The following KCNIP4 variants were observed in gnomAD, a reference collection of about 807,000 sequenced individuals.
KCNIP4 encodes the protein Kv channel-interacting protein 4.
In KCNIP4, 12 loss-of-function variants were observed where a neutral mutation model predicts 34.0. That is an observed-to-expected ratio of 0.35 (90% CI 0.23 to 0.57). The LOEUF is 0.57. KCNIP4 is among the 20% of genes least tolerant of loss of function. The pLI is 0.83. For synonymous variants in KCNIP4, 124 were observed against 102.2 expected (o/e 1.21, Z -1.29); for missense variants, 238 against 311.7 (o/e 0.76, Z 1.78).
chr4:21,236,210 C>A (rs1220681211), intron 1 of KCNIP4, among the ~76,000 whole-genome samples: 1 of 152,070 alleles, frequency 6.6e-6, no homozygotes, highest in Non-Finnish European at 1.5e-5. Context: ...CATTTTATCC[C>A]TACTCCCTAA....
chr4:21,945,573 T>C (rs1730465811), intron 1 of KCNIP4, among the ~76,000 whole-genome samples: 1 of 152,204 alleles, frequency 6.6e-6, no homozygotes, highest in African/African-American at 2.4e-5. Flanking sequence ...ATTTTTTTAC[T>C]CTACTATTGA....
At chr4:21,068,270 C>T (rs1744584511) in intron 1 of KCNIP4, among the ~76,000 whole-genome samples, 1 of 152,162 alleles carries the variant, frequency 6.6e-6, no homozygotes, top group Non-Finnish European at 1.5e-5. Flanking sequence ...CAGGCTCTGA[C>T]GTGGTCGTCC....
chr4:21,719,677 T>A (rs1486933681), intron 1 of KCNIP4, among the ~76,000 whole-genome samples: 1 of 151,768 alleles, frequency 6.6e-6, no homozygotes, highest in Non-Finnish European at 1.5e-5. Context: ...GAAGAAACAA[T>A]AGGGGCCAGG....
chr4:21,592,292 T>G (rs2109097922), intron 1 of KCNIP4, among the ~76,000 whole-genome samples: 1 of 152,262 alleles, frequency 6.6e-6, no homozygotes, highest in Non-Finnish European at 1.5e-5. Context: ...TCTTGGTAAC[T>G]ATGGATCATG....
chr4:21,556,930 A>AAAAAAAAAAACAAAAAAAAAC (rs1739097272), intron 1 of KCNIP4, among the ~76,000 whole-genome samples: 4 of 108,192 alleles, frequency 3.7e-5, no homozygotes, highest in Admixed American at 9.3e-5. Context: ...CAGAAAAAAA[A>AAAAAAAAAAACAAAAAAAAAC]AAAAAAAAAA....
intron 1 of KCNIP4, among the ~76,000 whole-genome samples, chr4:20,935,439 A>G (rs1041321963): frequency 3.3e-5 from 5 of 152,154 alleles, no homozygotes; most frequent in Non-Finnish European, 7.3e-5. Flanking sequence ...AACTGTCTCC[A>G]TTTCCCAACA....
intron 1 of KCNIP4, among the ~76,000 whole-genome samples, chr4:21,230,352 T>C (rs1043404733): frequency 5.5e-5 from 8 of 145,260 alleles, no homozygotes; most frequent in Non-Finnish European, 7.4e-5. Flanking sequence ...ATTTTTAAAT[T>C]TAATTTAAGT....
At chr4:21,590,730 G>A (rs1440586241) in intron 1 of KCNIP4, among the ~76,000 whole-genome samples, 1 of 151,932 alleles carries the variant, frequency 6.6e-6, no homozygotes, top group East Asian at 1.9e-4. Context: ...TATCTTCAAT[G>A]CACAGTACAT....
intron 1 of KCNIP4, among the ~76,000 whole-genome samples, chr4:21,606,264 T>C (rs1451099870): frequency 1.3e-5 from 2 of 152,102 alleles, no homozygotes; most frequent in African/African-American, 2.4e-5. Context: ...GATAATAACA[T>C]TGAGACTCGA....
At chr4:21,250,068 G>T (rs949869428) in intron 1 of KCNIP4, among the ~76,000 whole-genome samples, 20 of 151,530 alleles carry the variant, frequency 1.3e-4, no homozygotes, top group African/African-American at 4.9e-4. Context: ...TTTTCTGAAA[G>T]TGTAAAGGGA....
chr4:21,804,765 T>G (rs911914336), intron 1 of KCNIP4, among the ~76,000 whole-genome samples: 1 of 152,196 alleles, frequency 6.6e-6, no homozygotes, highest in Admixed American at 6.5e-5. Context: ...TGTGACTTAA[T>G]GAAAACTTTA....
At chr4:20,943,047 T>C (rs1336212856) in intron 1 of KCNIP4, among the ~76,000 whole-genome samples, 1 of 152,224 alleles carries the variant, frequency 6.6e-6, no homozygotes, top group African/African-American at 2.4e-5. Context: ...AAGATCAATA[T>C]GTTTGATTAA....
rs112821962 is a variant in KCNIP4 at position 20,984,935 on chromosome 4, T to C, written c.62-102226A>G. Among the ~76,000 whole-genome samples the C allele has an allele frequency of 5.9e-5, 9 of 152,272 alleles. 2 individuals carry two copies. Among genetic ancestry groups the C allele is most frequent in the African/African-American group, 1.9e-4 (8 of 41,558 alleles). On this transcript the variant is annotated intron_variant, in intron 1 of 8. Transcript: ENST00000382152. ...TATTAAGAAGCCCAGGTGACTCTTA[T>C]CAACTGGGAAGTGTGGACAGCACCA...
intron 4 of KCNIP4, among the ~76,000 whole-genome samples, chr4:20,753,108 A>G (rs1409647025): frequency 6.6e-6 from 1 of 152,174 alleles, no homozygotes; most frequent in Non-Finnish European, 1.5e-5. Context: ...TTTATAGTTG[A>G]GCAACAAAAT....
At chr4:21,253,078 C>T (rs1465287237) in intron 1 of KCNIP4, among the ~76,000 whole-genome samples, 1 of 152,176 alleles carries the variant, frequency 6.6e-6, no homozygotes, top group African/African-American at 2.4e-5. Context: ...CACACTCATA[C>T]CTTTCTGTGA....
At chr4:21,580,795 C>T (rs781215129) in intron 1 of KCNIP4, among the ~76,000 whole-genome samples, 7 of 152,056 alleles carry the variant, frequency 4.6e-5, no homozygotes, top group Non-Finnish European at 1.0e-4. Flanking sequence ...TATACAGTGT[C>T]AAGGGGAGCC....
chr4:21,248,189 C>T (rs564303509), intron 1 of KCNIP4, among the ~76,000 whole-genome samples: 112 of 151,736 alleles, frequency 7.4e-4, no homozygotes, highest in African/African-American at 2.6e-3. Context: ...CATACTCAGG[C>T]GTACCTCTCT....
At chr4:21,238,730 G>A (rs1356465490) in intron 1 of KCNIP4, among the ~76,000 whole-genome samples, 2 of 152,088 alleles carry the variant, frequency 1.3e-5, no homozygotes, top group Non-Finnish European at 2.9e-5. Context: ...AATAAAAGAG[G>A]ATACAAACAA....
intron 1 of KCNIP4, among the ~76,000 whole-genome samples, chr4:21,578,955 C>T (rs192053988): frequency 1.2e-4 from 18 of 152,248 alleles, no homozygotes; most frequent in Admixed American, 6.5e-4. Flanking sequence ...ATGACAGACT[C>T]GGTCAATAAA....
Sources: gnomAD v4.1 joint callset for allele counts (sites outside exome capture counted in the v4.1 genomes callset) on GRCh38, gnomAD v4.1.1 for gene constraint, MANE v1.5 for transcripts, NCBI Gene and HGNC (gene_info 2026-07-23, HGNC 2026-07-21) for gene names.